The following PRKN variants were observed in gnomAD, a reference collection of about 807,000 sequenced individuals.
PRKN encodes the protein E3 ubiquitin-protein ligase parkin.
A neutral mutation model predicts 59.5 loss-of-function variants in PRKN; 56 were observed. That is an observed-to-expected ratio of 0.94 (90% CI 0.76 to 1.18). The LOEUF (loss-of-function observed/expected upper bound fraction) is 1.18, where lower values mean the gene tolerates loss of function less well. Among genes scored for constraint, PRKN ranks in the 50% most tolerant of loss-of-function variants. The pLI, the probability that PRKN is intolerant of heterozygous loss-of-function variation, is 0.00. For missense variants in PRKN, 657 were observed against 596.4 expected (o/e 1.10, Z -1.06); for synonymous variants, 250 against 222.1 (o/e 1.13, Z -1.12).
At chr6:161,384,778 A>G (rs1227007998) in intron 10 of PRKN, among the ~76,000 whole-genome samples, 1 of 152,188 alleles carries the variant, frequency 6.6e-6, no homozygotes, top group Non-Finnish European at 1.5e-5. Context: ...ATCTTCTGTG[A>G]CTTTTCCAGG....
intron 2 of PRKN, among the ~76,000 whole-genome samples, chr6:162,403,659 G>A (rs759409091): frequency 1.3e-5 from 2 of 152,112 alleles, no homozygotes; most frequent in Non-Finnish European, 1.5e-5. Context: ...AATCATCACC[G>A]TATTCCTGGA....
chr6:162,407,276 A>G (rs1788119444), intron 2 of PRKN, among the ~76,000 whole-genome samples: 1 of 152,208 alleles, frequency 6.6e-6, no homozygotes, highest in African/African-American at 2.4e-5. Context: ...AACATTGTCC[A>G]GGGAAACTGT....
At chr6:161,637,394 TG>T (rs905634070) in intron 7 of PRKN, among the ~76,000 whole-genome samples, 5 of 151,292 alleles carry the variant, frequency 3.3e-5, no homozygotes, top group Non-Finnish European at 5.9e-5. Context: ...AACAAAATTG[TG>T]TAAGAACAAA....
intron 6 of PRKN, among the ~76,000 whole-genome samples, chr6:161,919,873 C>G (rs569350164): frequency 9.2e-5 from 14 of 152,348 alleles, no homozygotes; most frequent in Admixed American, 3.9e-4. Context: ...TCCTATCCTC[C>G]TTAGGACAGA....
chr6:162,052,869 A>G (rs1364990980), intron 5 of PRKN, among the ~76,000 whole-genome samples: 3 of 152,140 alleles, frequency 2.0e-5, no homozygotes, highest in Non-Finnish European at 4.4e-5. Flanking sequence ...ACATATGTAT[A>G]TATGGAAACA....
chr6:162,390,247 T>C (rs767848033), intron 2 of PRKN, among the ~76,000 whole-genome samples: 2 of 151,718 alleles, frequency 1.3e-5, no homozygotes, highest in African/African-American at 4.8e-5. Flanking sequence ...TAACACCAAA[T>C]AGTGAAAAAT....
At chr6:162,366,891 C>T (rs1408110272) in intron 2 of PRKN, among the ~76,000 whole-genome samples, 1 of 152,118 alleles carries the variant, frequency 6.6e-6, no homozygotes, top group African/African-American at 2.4e-5. Flanking sequence ...AAGAGTGAAA[C>T]TCCATCTCAA....
intron 7 of PRKN, among the ~76,000 whole-genome samples, chr6:161,702,446 T>C (rs772032155): frequency 1.7e-4 from 26 of 152,036 alleles, no homozygotes; most frequent in Non-Finnish European, 3.5e-4. Flanking sequence ...AAAGGTCAAA[T>C]AGGTATGATT....
At chr6:162,340,214 G>C (rs1784111839) in intron 2 of PRKN, among the ~76,000 whole-genome samples, 1 of 150,966 alleles carries the variant, frequency 6.6e-6, no homozygotes, top group African/African-American at 2.4e-5. Context: ...AATCAGAAAA[G>C]CTCTCTAATT....
At chr6:161,587,463 C>CA (rs1359383457) in intron 7 of PRKN, among the ~76,000 whole-genome samples, 3 of 151,992 alleles carry the variant, frequency 2.0e-5, no homozygotes, top group Non-Finnish European at 2.9e-5. Flanking sequence ...TTTTCAGAAA[C>CA]AAAAAATCAA....
rs887261678 is a variant in PRKN at position 161,372,499 on chromosome 6, A to G, written c.1168-12294T>C. 9.2e-5 allele frequency among the ~76,000 whole-genome samples: 14 copies of G among 152,238 alleles called. No homozygotes were observed. The highest frequency in any genetic ancestry group is 6.5e-4 in the Admixed American group (10 of 15,276). Reference sequence around the variant, plus strand: ...TTCAAGAAACATGTGTTGGGTGTCTAAGATGTGCCAGGCACTGTCCTGGAC... The same window carrying G: ...TTCAAGAAACATGTGTTGGGTGTCTGAGATGTGCCAGGCACTGTCCTGGAC... On this transcript the variant is annotated intron_variant, in intron 10 of 11. Coordinates refer to ENST00000366898, the MANE Select transcript of PRKN (RefSeq NM_004562.3). This position sits in a 1 kb window ranked among gnomAD's most constrained non-coding sequence, Gnocchi z 4.2.
chr6:161,573,743 A>ATAT (rs1780998169), intron 7 of PRKN, among the ~76,000 whole-genome samples: 1 of 31,186 alleles, frequency 3.2e-5, no homozygotes, highest in Non-Finnish European at 5.8e-5. Flanking sequence ...AAAAAAAAAA[A>ATAT]AAAAAAAAAA....
chr6:161,375,767 G>A (rs2114913330), intron 10 of PRKN, among the ~76,000 whole-genome samples: 1 of 152,302 alleles, frequency 6.6e-6, no homozygotes, highest in South Asian at 2.1e-4. Context: ...CTGCAGAGGG[G>A]CGGGTGCTGT....
chr6:162,697,822 C>A (rs1778022137), intron 1 of PRKN, among the ~76,000 whole-genome samples: 1 of 151,968 alleles, frequency 6.6e-6, no homozygotes, highest in South Asian at 2.1e-4. Flanking sequence ...GTAAATATAC[C>A]TAGGTCTACT....
At position 162,485,944 on chromosome 6, in the gene PRKN, G is replaced by A. The variant is rs538227592; in HGVS notation, c.8-42471C>T. Among the ~76,000 whole-genome samples, 5 of 152,294 alleles carry A rather than the reference G, an allele frequency of 3.3e-5. No individual in the cohort carries two copies. The South Asian group carries it at 1.0e-3, about 32-fold the overall frequency. On this transcript the variant is annotated intron_variant, in intron 1 of 11. Coordinates refer to ENST00000366898, the MANE Select transcript of PRKN (RefSeq NM_004562.3). ...ATCGCATATGCAAAGCCTGTTTTAC[G>A]TCAAATGATTGTCAGTGGCTATTAA... is the stretch of plus-strand genomic sequence containing the variant.
intron 3 of PRKN, among the ~76,000 whole-genome samples, chr6:162,227,365 A>G (rs926637216): frequency 2.6e-5 from 4 of 152,130 alleles, no homozygotes; most frequent in African/African-American, 9.7e-5. Flanking sequence ...CATTATCTGG[A>G]ATAATTTAGC....
intron 9 of PRKN, among the ~76,000 whole-genome samples, chr6:161,412,465 C>T (rs529280946): frequency 3.4e-5 from 5 of 146,020 alleles, no homozygotes; most frequent in African/African-American, 1.0e-4. Context: ...TCCTTTCTCA[C>T]GCATTCCTCC....
In PRKN at chr6:162,170,089, T is replaced by C. The variant is rs1420985611; in HGVS notation, c.534+31042A>G. ...TCTGCTGTACAGGAGAGTGGCTCCC[T>C]GGGTTTCCTATAACAGCTGTTCCCA... On this transcript the variant is annotated intron_variant, in intron 4 of 11. Coordinates refer to ENST00000366898, the MANE Select transcript of PRKN (RefSeq NM_004562.3). Among the ~76,000 whole-genome samples the C allele has an allele frequency of 2.0e-5, 3 of 152,218 alleles. No individual in the cohort carries two copies. In the East Asian group the frequency reaches 5.8e-4, roughly 29 times the overall value.
chr6:162,309,470 C>T (rs996312305), intron 2 of PRKN, among the ~76,000 whole-genome samples: 4 of 152,156 alleles, frequency 2.6e-5, no homozygotes, highest in African/African-American at 7.2e-5. Context: ...ACAACTCTAT[C>T]CAGAAGATGC....
Sources: gnomAD v4.1 joint callset for allele counts (sites outside exome capture counted in the v4.1 genomes callset) on GRCh38, gnomAD v4.1.1 for gene constraint, Gnocchi (gnomAD v3.1) non-coding constraint, MANE v1.5 for transcripts, NCBI Gene and HGNC (gene_info 2026-07-23, HGNC 2026-07-21) for gene names.